The following FOXO1 variants were observed in gnomAD, a reference collection of about 807,000 sequenced individuals.
FOXO1 encodes the protein forkhead box protein O1.
Under a neutral mutation model 44.1 loss-of-function variants are expected in FOXO1, and 6 were observed. The observed-to-expected ratio is 0.14, with a 90% CI of 0.07 to 0.27. FOXO1 has a LOEUF of 0.27. FOXO1 is among the 10% of genes least tolerant of loss of function. The probability of loss-of-function intolerance (pLI) is 1.00; values close to 1 mark genes in which losing one functional copy is unlikely to be tolerated. For synonymous variants in FOXO1, 380 were observed against 362.7 expected (o/e 1.05, Z -0.54); for missense variants, 737 against 888.8 (o/e 0.83, Z 2.17).
intron 1 of FOXO1, among the ~76,000 whole-genome samples, chr13:40,594,721 T>G (rs1875513040): frequency 1.3e-5 from 2 of 152,184 alleles, no homozygotes; most frequent in African/African-American, 4.8e-5. Flanking sequence ...GGTCTTGCTC[T>G]GACACCCAGG....
intron 1 of FOXO1, among the ~76,000 whole-genome samples, chr13:40,601,147 A>C (rs963577195): frequency 6.6e-6 from 1 of 152,200 alleles, no homozygotes; most frequent in African/African-American, 2.4e-5. Context: ...AACTTCTGCC[A>C]CATGACAAAT....
intron 1 of FOXO1, among the ~76,000 whole-genome samples, chr13:40,606,370 C>A (rs141718583): frequency 1.3e-5 from 2 of 152,040 alleles, no homozygotes; most frequent in African/African-American, 2.4e-5. Context: ...AGTGCAGTGG[C>A]GCAATCTTAG....
intron 1 of FOXO1, among the ~76,000 whole-genome samples, chr13:40,583,274 G>A (rs953172410): frequency 6.6e-6 from 1 of 152,218 alleles, no homozygotes; most frequent in Admixed American, 6.5e-5. Context: ...CACAGATAGA[G>A]TTGATTTAGC....
chr13:40,611,101 C>A, intron 1 of FOXO1: 1 of 455,594 alleles, frequency 2.2e-6, no homozygotes, highest in Non-Finnish European at 4.4e-6. Context: ...GGCATCAATA[C>A]TGCACATAGG....
chr13:40,570,395 AG>A (rs59338649), intron 1 of FOXO1, among the ~76,000 whole-genome samples: 7,385 of 152,188 alleles, frequency 0.049, 584 homozygotes, highest in East Asian at 0.39. Flanking sequence ...AGGACAAAAG[AG>A]GTGCGTTACA....
chr13:40,604,643 G>A (rs774037508), intron 1 of FOXO1, among the ~76,000 whole-genome samples: 3 of 152,014 alleles, frequency 2.0e-5, no homozygotes, highest in Non-Finnish European at 1.5e-5. Flanking sequence ...TTTCTCGGCT[G>A]GAAGCTTTCT....
At chr13:40,662,519 C>A (rs1342119199) in intron 1 of FOXO1, among the ~76,000 whole-genome samples, 2 of 152,308 alleles carry the variant, frequency 1.3e-5, no homozygotes, top group South Asian at 2.1e-4. Flanking sequence ...TATAGCAATT[C>A]TAGCCAATAT....
chr13:40,607,032 T>C (rs1272633877), intron 1 of FOXO1, among the ~76,000 whole-genome samples: 1 of 152,194 alleles, frequency 6.6e-6, no homozygotes, highest in African/African-American at 2.4e-5. Flanking sequence ...ATTGTGCCAC[T>C]TCACCCTTCC....
At chr13:40,636,030 T>G (rs1877137499) in intron 1 of FOXO1, among the ~76,000 whole-genome samples, 1 of 152,114 alleles carries the variant, frequency 6.6e-6, no homozygotes, top group Non-Finnish European at 1.5e-5. Context: ...GCCAACATGA[T>G]GAAACCCTGT....
chr13:40,572,065 T>C (rs1054064749), intron 1 of FOXO1, among the ~76,000 whole-genome samples: 4 of 152,228 alleles, frequency 2.6e-5, no homozygotes, highest in African/African-American at 7.2e-5. Context: ...ATCCTGTTCA[T>C]GCTAGGTAAA....
At chr13:40,569,074 A>G (rs1422183076) in intron 1 of FOXO1, among the ~76,000 whole-genome samples, 1 of 152,254 alleles carries the variant, frequency 6.6e-6, no homozygotes, top group East Asian at 1.9e-4. Flanking sequence ...AAATTTAGTT[A>G]CACAGCTTTA....
At chr13:40,605,504 T>G (rs184382554) in intron 1 of FOXO1, among the ~76,000 whole-genome samples, 1 of 152,302 alleles carries the variant, frequency 6.6e-6, no homozygotes, top group East Asian at 1.9e-4. Flanking sequence ...TCTCCAGCCT[T>G]AACTCCAATC....
chr13:40,642,354 A>G (rs1290688075), intron 1 of FOXO1, among the ~76,000 whole-genome samples: 1 of 152,190 alleles, frequency 6.6e-6, no homozygotes, highest in East Asian at 1.9e-4. Flanking sequence ...GCATTCCCTC[A>G]ACCAGTGTAC....
chr13:40,585,601 T>C (rs1875134447), intron 1 of FOXO1, among the ~76,000 whole-genome samples: 1 of 152,156 alleles, frequency 6.6e-6, no homozygotes, highest in Admixed American at 6.6e-5. Context: ...GTGCAATTCG[T>C]ATTTGCCCTG....
chr13:40,592,720 T>C (rs947911175), intron 1 of FOXO1, among the ~76,000 whole-genome samples: 20 of 152,182 alleles, frequency 1.3e-4, no homozygotes, highest in African/African-American at 4.6e-4. Flanking sequence ...AAACAGAATT[T>C]AAATTACTCC....
chr13:40,564,628 G>A (rs1256312027), intron 1 of FOXO1, among the ~76,000 whole-genome samples: 4 of 152,174 alleles, frequency 2.6e-5, no homozygotes, highest in South Asian at 2.1e-4. Flanking sequence ...GAAGGACTTC[G>A]CAGCAGAGCC....
At chr13:40,603,950 C>G (rs758868243) in intron 1 of FOXO1, among the ~76,000 whole-genome samples, 13 of 152,082 alleles carry the variant, frequency 8.5e-5, no homozygotes, top group Admixed American at 4.6e-4. Flanking sequence ...CATATACAAT[C>G]ATGAAGTGTG....
At chr13:40,620,948 G>A (rs1413381136) in intron 1 of FOXO1, among the ~76,000 whole-genome samples, 7 of 151,786 alleles carry the variant, frequency 4.6e-5, no homozygotes, top group South Asian at 2.1e-4. Context: ...ACAGGAACCC[G>A]CCATCATGCC....
In FOXO1 at chr13:40,557,490, T is replaced by G. The variant is rs1873801595; in HGVS notation, c.*1559A>C. ...TTTTCAAATAAATCTCCCCAATTTT[T>G]AAGTAAGTTCTATTCCATTTGCTAC... On this transcript the variant is annotated 3_prime_UTR_variant, in exon 3 of 3. Transcript: ENST00000379561. 1 of 152,262 alleles carries G rather than the reference T, an allele frequency of 6.6e-6. No homozygotes were observed. Among genetic ancestry groups the G allele is most frequent in the Non-Finnish European group, 1.5e-5 (1 of 68,044 alleles). 9.4% of individuals were successfully genotyped at this position (152,262 alleles called of 1,614,324 possible). A position where few individuals can be genotyped will look rare whatever the true frequency, so the allele number is the denominator to read the frequency against.
Sources: gnomAD v4.1 joint callset for allele counts (sites outside exome capture counted in the v4.1 genomes callset) on GRCh38, gnomAD v4.1.1 for gene constraint, MANE v1.5 for transcripts, NCBI Gene and HGNC (gene_info 2026-07-23, HGNC 2026-07-21) for gene names.